Variants in ICAM5 observed in about 807,000 individuals in gnomAD.
ICAM5 encodes the protein ICAM-5.
Under a neutral mutation model 78.8 loss-of-function variants are expected in ICAM5, and 38 were observed. The ratio of observed to expected loss-of-function variants is 0.48; its 90% confidence interval spans 0.37 to 0.63. ICAM5 has a LOEUF of 0.63. Ranked by LOEUF, ICAM5 falls within the 30% of genes least tolerant of loss-of-function variation. ICAM5 has a pLI of 0.00. For synonymous variants in ICAM5, 544 were observed against 590.9 expected, an observed-to-expected ratio of 0.92 and a Z score of 1.15; for missense variants, 1,059 against 1,303.0, an observed-to-expected ratio of 0.81 and a Z score of 2.88.
rs200251866 is a variant in ICAM5 at position 10,293,776 on chromosome 19, T to A, written c.1544T>A (p.Val515Glu). The change falls in exon 7 of 11, where the codon GTG becomes GAG. Residue 515 changes from valine to glutamate, a missense_variant. By Grantham distance (121) the Val-to-Glu change is moderately radical. This residue lies in a region of ICAM5 where 815 missense variants were observed against 952.8 expected (regional missense o/e 0.86). Transcript: ENST00000221980. The surrounding 1 kb of genome is among the most constrained non-coding windows in gnomAD (Gnocchi z 5.0). ...LEGTEASLSC[V>E]AHGVPPPDVI... ...GGAACAGAAGCCTCGCTGAGCTGTG[T>A]GGCGCACGGGGTACCGCCGCCTGAT... is the stretch of plus-strand genomic sequence containing the variant. The A allele has an allele frequency of 5.6e-6, 9 of 1,613,948 alleles. No homozygotes were observed. The highest frequency in any genetic ancestry group is 1.6e-4 in the Middle Eastern group (1 of 6,062).
Position 10,296,563 on chromosome 19 carries a change from G to T in ICAM5, c.2722G>T (p.Ala908Ser). ...CGGACCCGAGGCGGCGGGGGGCGCG[G>T]CCGAGTCGCCGGCGGAGGGCGAGGT... ...EGGPEAAGGA[A>S]ESPAEGEVFA... The change falls in exon 11 of 11, where the codon GCC becomes TCC. Residue 908 changes from alanine to serine, a missense_variant. Transcript: ENST00000221980. The T allele has an allele frequency of 1.6e-6, 2 of 1,219,422 alleles. No individual in the cohort carries two copies. Among genetic ancestry groups the T allele is most frequent in the Non-Finnish European group, 2.1e-6 (2 of 972,550 alleles). The allele number at this position is 1,219,422 out of a possible 1,614,324, so 75.5% of individuals were successfully genotyped here.
Position 10,291,333 on chromosome 19 carries a change from G to T in ICAM5, c.344G>T (p.Arg115Leu). 1.2e-6 allele frequency: 2 copies of T among 1,607,546 alleles called. No individual in the cohort carries two copies. Among genetic ancestry groups the T allele is most frequent in the East Asian group, 2.2e-5 (1 of 44,692 alleles). ...RRTLQARGLI[R>L]TFQRPDRVEL... ...ACACTACAGGCGCGTGGGCTCATTC[G>T]CACTTTCCGTGAGTTCTGGGTGGCC... The change falls in exon 2 of 11, where the codon CGC becomes CTC. Residue 115 changes from arginine to leucine, a missense_variant. This residue lies in a region of ICAM5 where 815 missense variants were observed against 952.8 expected (regional missense o/e 0.86). Coordinates refer to ENST00000221980, the MANE Select transcript of ICAM5 (RefSeq NM_003259.4).
At chr19:10,292,494 C>T in intron 4 of ICAM5, 118 bp from the exon 5 acceptor site, 1 of 1,419,926 alleles carries the variant, frequency 7.0e-7, no homozygotes, top group Admixed American at 2.3e-5. Flanking sequence ...GCCTGAGAGG[C>T]GGGGCGCCGT....
Position 10,292,352 on chromosome 19 carries a change from C to G in ICAM5, c.961+30C>G, listed in dbSNP as rs566460756. The G allele has an allele frequency of 3.9e-6, 6 of 1,553,768 alleles. No homozygotes were observed. In the South Asian group the frequency reaches 4.6e-5, roughly 12 times the overall value. The stretch of plus-strand genomic sequence containing the variant: ...GGAAGGAGGCGGGGTCTCCGCGGCT[C>G]CGAGGTGGGACCAGAGGAATGCGAA... On this transcript the variant is annotated intron_variant, in intron 4 of 10. Transcript: ENST00000221980.
At position 10,292,288 on chromosome 19, in the gene ICAM5, A is replaced by C; in HGVS notation, c.927A>C (p.Glu309Asp). Residue 309 changes from glutamate (E) to aspartate (D), a missense_variant, in exon 4 of 11, where the codon GAA becomes GAC. By Grantham distance (45) the Glu-to-Asp change is conservative. Coordinates refer to ENST00000221980, the MANE Select transcript of ICAM5 (RefSeq NM_003259.4). ...QLVCNVTLGG[E>D]NRETRENVTI... ...TCTGCAACGTCACCCTGGGGGGCGA[A>C]AACCGGGAGACCCGGGAGAACGTGA... 1 of 1,610,908 alleles carries C rather than the reference A, an allele frequency of 6.2e-7. No homozygotes were observed. Among genetic ancestry groups the C allele is most frequent in the South Asian group, 1.1e-5 (1 of 90,970 alleles).
At chr19:10,291,882 A>G (rs1387631552) in intron 3 of ICAM5, 73 bp downstream of exon 3, 1 of 1,522,800 alleles carries the variant, frequency 6.6e-7, no homozygotes, top group East Asian at 2.3e-5. Flanking sequence ...AGGTAGATAC[A>G]TCTGAATGCT....
In ICAM5 at chr19:10,291,572, G is replaced by A. The variant is rs949203455; in HGVS notation, c.436G>A (p.Gly146Ser). 6.2e-7 allele frequency: 1 copy of A among 1,612,466 alleles called. No homozygotes were observed. Among genetic ancestry groups the A allele is most frequent in the Non-Finnish European group, 8.5e-7 (1 of 1,179,900 alleles). The change falls in exon 3 of 11, where the codon GGC becomes AGC. Residue 146 changes from glycine to serine, a missense_variant. Transcript: ENST00000221980. ...CTTCACCCTGAGCTGTAGGGTCCCC[G>A]GCGCCGGGCCCCGTGCGAGCCTCAC... ...ENFTLSCRVP[G>S]AGPRASLTLT...
In ICAM5 at chr19:10,293,115, G is replaced by A. The variant is rs1436239796; in HGVS notation, c.1334G>A (p.Arg445His). The change falls in exon 6 of 11, where the codon CGC (arginine) becomes CAC (histidine). Residue 445 changes from arginine (R) to histidine (H), a missense_variant. By Grantham distance (29) the Arg-to-His change is conservative. Coordinates refer to ENST00000221980, the MANE Select transcript of ICAM5 (RefSeq NM_003259.4). This position sits in a 1 kb window ranked among gnomAD's most constrained non-coding sequence, Gnocchi z 5.0. ...GNPEPSVHCA[R>H]SDGGAVLALG... ...CCAGAACCCTCAGTGCACTGTGCGC[G>A]CTCCGACGGCGGGGCCGTGCTGGCT... 3 of 1,609,138 alleles carry A rather than the reference G, an allele frequency of 1.9e-6. No individual in the cohort carries two copies. The highest frequency in any genetic ancestry group is 2.5e-6 in the Non-Finnish European group (3 of 1,178,222).
At position 10,295,547 on chromosome 19, in the gene ICAM5, A is replaced by T; in HGVS notation, c.2432A>T (p.Glu811Val). The change falls in exon 10 of 11, where the codon GAG becomes GTG. Residue 811 changes from glutamate to valine, a missense_variant. Glu to Val is a moderately radical substitution (Grantham distance 121, BLOSUM62 -2). Coordinates refer to ENST00000221980, the MANE Select transcript of ICAM5 (RefSeq NM_003259.4). ...VAGAMGSHGG[E>V]YECAATNAHG... ...GGCGCCATGGGAAGCCACGGCGGCG[A>T]GTACGAGTGCGCAGCCACCAACGCG... The T allele has an allele frequency of 1.3e-6, 2 of 1,547,856 alleles. No individual in the cohort carries two copies. The highest frequency in any genetic ancestry group is 1.7e-6 in the Non-Finnish European group (2 of 1,147,896).
chr19:10,294,685 G>T lies in ICAM5; in HGVS notation c.2230+45G>T, dbSNP rs767748025. On this transcript the variant is annotated intron_variant, in intron 9 of 10. Transcript: ENST00000221980. The surrounding 1 kb of genome is among the most constrained non-coding windows in gnomAD (Gnocchi z 7.7). ...GATGGAGGGGACACGGTCCTCGGAA[G>T]AATGACTCGCAGCGGTGGGAGCATT... 2 of 1,608,950 alleles carry T rather than the reference G, an allele frequency of 1.2e-6. No individual in the cohort carries two copies. The highest frequency in any genetic ancestry group is 1.7e-6 in the Non-Finnish European group (2 of 1,178,774).
chr19:10,292,981 C>T lies in ICAM5; in HGVS notation c.1217-17C>T, dbSNP rs770912418. 4 of 1,610,914 alleles carry T rather than the reference C, an allele frequency of 2.5e-6. No individual in the cohort carries two copies. The highest frequency in any genetic ancestry group is 3.4e-6 in the Non-Finnish European group (4 of 1,179,868). ...TTCTTACGTCTAAGCCTCTGTAACC[C>T]CACGCCCTGCCCGCAGACGCTCCCC... On this transcript the variant is annotated splice_polypyrimidine_tract_variant and intron_variant, in intron 5 of 10. Transcript: ENST00000221980.
rs1224112573 is a variant in ICAM5 at position 10,290,760 on chromosome 19, C to A, written c.83-312C>A. ...CCCATCCCGGGTCCCCTTCTCTCAGCCTTGCTGTGTTCATCCAAGAACCCA... is the reference window on the plus strand; with the variant it reads ...CCCATCCCGGGTCCCCTTCTCTCAGACTTGCTGTGTTCATCCAAGAACCCA... On this transcript the variant is annotated intron_variant, in intron 1 of 10. Transcript: ENST00000221980. The surrounding 1 kb of genome is among the most constrained non-coding windows in gnomAD (Gnocchi z 5.7). 2.9e-5 allele frequency: 14 copies of A among 478,480 alleles called. No individual in the cohort carries two copies. Among genetic ancestry groups the A allele is most frequent in the Non-Finnish European group, 5.2e-5 (14 of 268,678 alleles). 29.6% of individuals were successfully genotyped at this position (478,480 alleles called of 1,614,324 possible).
rs1305387993 is a variant in ICAM5, at chr19:10,295,239, C to A, written c.2231-107C>A. 3.9e-6 allele frequency: 5 copies of A among 1,268,334 alleles called. No individual in the cohort carries two copies. In the African/African-American group the frequency reaches 7.7e-5, roughly 20 times the overall value. The allele number at this position is 1,268,334 out of a possible 1,614,324, so 78.6% of individuals were successfully genotyped here. On this transcript the variant is annotated intron_variant, in intron 9 of 10. Coordinates refer to ENST00000221980, the MANE Select transcript of ICAM5 (RefSeq NM_003259.4). ...GATAGGAGGCAGGATCCTCTTCTGC[C>A]CATCAGAGGCGCGGTGGTCTCCCAT...
In ICAM5 at chr19:10,294,290, G is replaced by A. The variant is rs2040202234; in HGVS notation, c.1962G>A (p.Val654=). Residue 654 remains valine, a synonymous_variant, in exon 8 of 11, where the codon GTG becomes GTA. Coordinates refer to ENST00000221980, the MANE Select transcript of ICAM5 (RefSeq NM_003259.4). This position sits in a 1 kb window ranked among gnomAD's most constrained non-coding sequence, Gnocchi z 7.7. Reference sequence around the variant, plus strand: ...ACGCCACCAACCGCCACGGCTCCGTGGCCAAAACAGTCGTCGTGAGCGCGG... The same window carrying A: ...ACGCCACCAACCGCCACGGCTCCGTAGCCAAAACAGTCGTCGTGAGCGCGG... ...VCNATNRHGS[V]AKTVVVSAES... is the part of the protein sequence containing the mutation. 1.2e-6 allele frequency: 2 copies of A among 1,613,236 alleles called. No individual in the cohort carries two copies. Among genetic ancestry groups the A allele is most frequent in the Non-Finnish European group, 8.5e-7 (1 of 1,179,836 alleles).
At position 10,293,980 on chromosome 19, in the gene ICAM5, G is replaced by A. The variant is rs1265616291; in HGVS notation, c.1711+37G>A. On this transcript the variant is annotated intron_variant, in intron 7 of 10. Coordinates refer to ENST00000221980, the MANE Select transcript of ICAM5 (RefSeq NM_003259.4). The surrounding 1 kb of genome is among the most constrained non-coding windows in gnomAD (Gnocchi z 5.0). ...CACCGCGGAGTTAGGCAGGATCTGT[G>A]GGACAACCCCGGCTGGACTTCCTGG... 6 of 1,602,208 alleles carry A rather than the reference G, an allele frequency of 3.7e-6. No individual in the cohort carries two copies.
In ICAM5 at chr19:10,292,803, G is replaced by A. The variant is rs376339217; in HGVS notation, c.1153G>A (p.Ala385Thr). ...CGACAGACGCAGCTTCTTCTGCGAC[G>A]CCACCCTCGATGTGGACGGGGAGAC... ...NDDRRSFFCD[A>T]TLDVDGETLI... The change falls in exon 5 of 11, where the codon GCC becomes ACC. Residue 385 changes from alanine to threonine, a missense_variant. Coordinates refer to ENST00000221980, the MANE Select transcript of ICAM5 (RefSeq NM_003259.4). 6.2e-7 allele frequency: 1 copy of A among 1,613,246 alleles called. No individual in the cohort carries two copies. The highest frequency in any genetic ancestry group is 1.3e-5 in the African/African-American group (1 of 74,950).
chr19:10,295,758 C>T (rs1042741823), intron 10 of ICAM5, 146 bp downstream of exon 10: 4 of 922,308 alleles, frequency 4.3e-6, no homozygotes, highest in Non-Finnish European at 4.7e-6. Flanking sequence ...GGTGCCTTAG[C>T]GGGTGGGGCT....
Position 10,291,696 on chromosome 19 carries a change from C to G in ICAM5, c.560C>G (p.Ala187Gly), listed in dbSNP as rs1202001319. Residue 187 changes from alanine (A) to glycine (G), a missense_variant, in exon 3 of 11, where the codon GCT becomes GGT. Transcript: ENST00000221980. ...GCGGTGCTCACAGCCACGGTACTGGCTCGGAGGGAGGACCATGGAGCCAAT... is the reference window on the plus strand; with the variant it reads ...GCGGTGCTCACAGCCACGGTACTGGGTCGGAGGGAGGACCATGGAGCCAAT... Reference protein sequence around the residue: ...RGAVLTATVLARREDHGANFS... With the variant: ...RGAVLTATVLGRREDHGANFS... The G allele has an allele frequency of 6.2e-7, 1 of 1,612,594 alleles. No homozygotes were observed.
chr19:10,292,746 G>T lies in ICAM5; in HGVS notation c.1096G>T (p.Ala366Ser). Residue 366 changes from alanine (A) to serine (S), a missense_variant, in exon 5 of 11, where the codon GCC (alanine) becomes TCC (serine). Ala to Ser is a moderately conservative substitution (Grantham distance 99). Transcript: ENST00000221980. The part of the protein sequence containing the change: ...GVPAAVPGQP[A>S]QLQLNATEND... ...TCCAGCCGCGGTCCCGGGGCAGCCC[G>T]CCCAGCTTCAGCTAAATGCCACCGA... is the stretch of plus-strand genomic sequence containing the variant. The T allele has an allele frequency of 1.2e-6, 2 of 1,612,956 alleles. No individual in the cohort carries two copies. The highest frequency in any genetic ancestry group is 1.7e-6 in the Non-Finnish European group (2 of 1,179,846).
Sources: allele counts gnomAD v4.1 joint callset, GRCh38; gene constraint gnomAD v4.1.1; regional missense constraint gnomAD v4.1.1; non-coding constraint Gnocchi (gnomAD v3.1); transcripts MANE v1.5; gene names NCBI Gene and HGNC (gene_info 2026-07-23, HGNC 2026-07-21).